The following ATP2B2 variants were observed in gnomAD, a reference collection of about 807,000 sequenced individuals.
The protein encoded by ATP2B2 is ATPase plasma membrane Ca2+ transporting 2, also known as plasma membrane calcium-transporting ATPase 2.
A neutral mutation model predicts 120.0 loss-of-function variants in ATP2B2; 15 were observed. That is an observed-to-expected ratio of 0.12 (90% confidence interval 0.08 to 0.19). The LOEUF (loss-of-function observed/expected upper bound fraction) is 0.19. Among genes scored for constraint, ATP2B2 ranks in the 10% least tolerant of loss-of-function variants. The pLI, the probability that ATP2B2 is intolerant of heterozygous loss-of-function variation, is 1.00. For missense variants in ATP2B2, 1,045 were observed against 1,719.8 expected (o/e 0.61, Z 6.94); for synonymous variants, 694 against 700.3 (o/e 0.99, Z 0.14).
At chr3:10,495,805 T>C (rs1389163153) in intron 1 of ATP2B2, among the ~76,000 whole-genome samples, 1 of 152,266 alleles carries the variant, frequency 6.6e-6, no homozygotes, top group African/African-American at 2.4e-5. Flanking sequence ...ACTGAGGCTC[T>C]GGAAGCTCTA....
intron 22 of ATP2B2, chr3:10,336,065 C>A (rs1251506080): frequency 6.6e-7 from 1 of 1,518,204 alleles, no homozygotes; most frequent in Non-Finnish European, 8.9e-7. Flanking sequence ...GGTGCCCCAG[C>A]CCCTGCCCGC....
intron 1 of ATP2B2, among the ~76,000 whole-genome samples, chr3:10,620,896 G>A (rs2069526889): frequency 6.6e-6 from 1 of 152,178 alleles, no homozygotes; most frequent in Admixed American, 6.5e-5. Flanking sequence ...GGGGCAAATG[G>A]CAGGTATCCG....
chr3:10,397,186 G>A lies in ATP2B2; in HGVS notation c.781+3767C>T, dbSNP rs1021016031. On this transcript the variant is annotated intron_variant, in intron 5 of 22. Transcript: ENST00000360273. ...CTCTGGAGGACAGAGCCTAAGGTCT[G>A]CAGGGCCCAGGGGTGAGCTGGGCAC... Among the ~76,000 whole-genome samples, 81 of 152,230 alleles carry A rather than the reference G, an allele frequency of 5.3e-4. 4 individuals carry two copies. The highest frequency in any genetic ancestry group is 1.5e-5 in the Non-Finnish European group (1 of 68,044).
intron 1 of ATP2B2, among the ~76,000 whole-genome samples, chr3:10,702,563 C>T (rs2071834572): frequency 6.6e-6 from 1 of 152,304 alleles, no homozygotes; most frequent in Admixed American, 6.5e-5. Context: ...CGCACAGGTG[C>T]AGCTCATTGC....
At chr3:10,432,507 G>A (rs987082350) in intron 2 of ATP2B2, among the ~76,000 whole-genome samples, 9 of 152,346 alleles carry the variant, frequency 5.9e-5, no homozygotes, top group East Asian at 1.9e-4. Context: ...AGAGTTTTGC[G>A]GCCTGGCCTC....
At chr3:10,336,138 C>A in intron 22 of ATP2B2, 3 of 1,550,466 alleles carry the variant, frequency 1.9e-6, no homozygotes, top group Non-Finnish European at 2.6e-6. Context: ...CGCCCGGCTG[C>A]AGCAGGAGGA....
At chr3:10,366,244 C>G (rs546409004) in intron 12 of ATP2B2, among the ~76,000 whole-genome samples, 118 of 152,290 alleles carry the variant, frequency 7.7e-4, no homozygotes, top group Admixed American at 2.4e-3. Flanking sequence ...TGCTTCCCCC[C>G]TTCCCCTTTC....
intron 1 of ATP2B2, among the ~76,000 whole-genome samples, chr3:10,500,412 A>C (rs1199526383): frequency 1.3e-5 from 2 of 152,108 alleles, no homozygotes; most frequent in Admixed American, 1.3e-4. Context: ...GCCCACCTGG[A>C]ACCTCAGAAT....
chr3:10,417,392 G>C (rs2062828655), intron 2 of ATP2B2, among the ~76,000 whole-genome samples: 1 of 152,230 alleles, frequency 6.6e-6, no homozygotes. Context: ...GAGAGGGAAG[G>C]ACTTTCTAAT....
chr3:10,546,637 C>T (rs2067553544), intron 2 of ATP2B2, among the ~76,000 whole-genome samples: 1 of 152,208 alleles, frequency 6.6e-6, no homozygotes, highest in African/African-American at 2.4e-5. Context: ...CTTCCTATGG[C>T]CTCTTCTTCT....
chr3:10,606,942 GAGGGAGAGGGGGA>G lies in ATP2B2; in HGVS notation c.-415+12962_-415+12974del, dbSNP rs1482915633. ...AGAGAGAGAGAGAGAGAGAGAGGGA[GAGGGAGAGGGGGA>G]GGGGGGGAGAGAGAGAGAGAGAGAA... On this transcript the variant is annotated intron_variant, in intron 2 of 21. Coordinates refer to the ATP2B2 transcript ENST00000646379. Among the ~76,000 whole-genome samples, 665 of 75,462 alleles carry G rather than the reference GAGGGAGAGGGGGA, an allele frequency of 8.8e-3. 26 individuals carry two copies. Among genetic ancestry groups the G allele is most frequent in the African/African-American group, 0.047 (603 of 12,894 alleles). The allele number at this position is 75,462 out of a possible 152,430, so 49.5% of individuals were successfully genotyped here.
At chr3:10,599,370 T>A (rs1163980056) in intron 2 of ATP2B2, among the ~76,000 whole-genome samples, 1 of 152,154 alleles carries the variant, frequency 6.6e-6, no homozygotes, top group East Asian at 1.9e-4. Context: ...CCAGGTAGAC[T>A]CCTGCTCATG....
chr3:10,510,399 G>A (rs562191759), upstream of ATP2B2, among the ~76,000 whole-genome samples: 131 of 152,358 alleles, frequency 8.6e-4, no homozygotes, highest in Middle Eastern at 6.8e-3. Context: ...GAGTGAGTAG[G>A]GGAATTGGAG....
At chr3:10,581,401 A>G (rs1280577235) in intron 2 of ATP2B2, among the ~76,000 whole-genome samples, 1 of 152,206 alleles carries the variant, frequency 6.6e-6, no homozygotes, top group Non-Finnish European at 1.5e-5. Context: ...GATCTGGAAG[A>G]GCCCACAAAG....
upstream of ATP2B2, among the ~76,000 whole-genome samples, chr3:10,507,643 C>T (rs1559428229): frequency 2.6e-5 from 4 of 152,240 alleles, 1 homozygote; most frequent in South Asian, 8.3e-4. Context: ...TCCCTGCTTA[C>T]AAAATAGCCC....
intron 1 of ATP2B2, among the ~76,000 whole-genome samples, chr3:10,474,916 C>G (rs966977197): frequency 2.6e-5 from 4 of 152,262 alleles, no homozygotes; most frequent in Admixed American, 2.0e-4. Flanking sequence ...CTCTGTGTCC[C>G]TGGCCCAGCA....
intron 2 of ATP2B2, among the ~76,000 whole-genome samples, chr3:10,603,271 C>T (rs544680922): frequency 4.5e-4 from 69 of 152,174 alleles, no homozygotes; most frequent in Non-Finnish European, 6.6e-4. Flanking sequence ...ATGCCTAGCA[C>T]GGTGCCCGGT....
At chr3:10,383,119 C>T (rs140864002) in intron 8 of ATP2B2, among the ~76,000 whole-genome samples, 18 of 145,242 alleles carry the variant, frequency 1.2e-4, no homozygotes, top group African/African-American at 4.3e-4. Flanking sequence ...GGTACGTGTG[C>T]ACCCTAAAAC....
At chr3:10,419,351 A>G (rs1261943919) in intron 2 of ATP2B2, among the ~76,000 whole-genome samples, 1 of 152,140 alleles carries the variant, frequency 6.6e-6, no homozygotes, top group African/African-American at 2.4e-5. Context: ...TGGGAATATG[A>G]TGTGTGGAAA....
Sources: allele counts gnomAD v4.1 joint callset (sites outside exome capture counted in the v4.1 genomes callset), GRCh38; gene constraint gnomAD v4.1.1; transcripts MANE v1.5; gene names NCBI Gene and HGNC (gene_info 2026-07-23, HGNC 2026-07-21).